MECOM: variants seen among roughly 807,000 people sequenced by gnomAD.
MECOM encodes the protein histone-lysine N-methyltransferase MECOM.
In MECOM, 13 loss-of-function variants were observed where a neutral mutation model predicts 116.3. The observed-to-expected ratio is 0.11, with a 90% CI of 0.07 to 0.18. The LOEUF is 0.18. Among genes scored for constraint, MECOM ranks in the 10% least tolerant of loss-of-function variants. The pLI is 1.00. For missense variants in MECOM, 1,299 were observed against 1,509.0 expected (o/e 0.86, Z 2.31); for synonymous variants, 528 against 535.2 (o/e 0.99, Z 0.19).
At chr3:169,296,866 T>G (rs1329201040) in intron 2 of MECOM, among the ~76,000 whole-genome samples, 2 of 152,194 alleles carry the variant, frequency 1.3e-5, no homozygotes, top group Admixed American at 6.5e-5. Context: ...AAAGAGCATA[T>G]CATAGCAAAT....
intron 1 of MECOM, among the ~76,000 whole-genome samples, chr3:169,602,847 A>T (rs935008451): frequency 1.3e-5 from 2 of 152,180 alleles, no homozygotes; most frequent in Non-Finnish European, 2.9e-5. Flanking sequence ...TTACAAAAAA[A>T]CTATGTTCTG....
chr3:169,269,061 G>A (rs1490433263), intron 2 of MECOM: 2 of 151,864 alleles, frequency 1.3e-5, no homozygotes, highest in Non-Finnish European at 2.9e-5. Context: ...ATGAGAACTA[G>A]TTTTTGAATA....
rs569828828 is a variant in MECOM, at chr3:169,531,491, G to A, written c.37+131845C>T. Among the ~76,000 whole-genome samples, 16 of 152,270 alleles carry A rather than the reference G, an allele frequency of 1.1e-4. No individual in the cohort carries two copies. The East Asian group carries it at 3.1e-3, about 29-fold the overall frequency. ...ACCCTCTCCATAACCTCATCAGAGA[G>A]GCAAGACATTTTTCCCCATTTTACA... On this transcript the variant is annotated intron_variant, in intron 1 of 16. Transcript: ENST00000651503.
At chr3:169,211,256 A>G (rs1453483167) in intron 2 of MECOM, among the ~76,000 whole-genome samples, 1 of 152,124 alleles carries the variant, frequency 6.6e-6, no homozygotes, top group Non-Finnish European at 1.5e-5. Flanking sequence ...TTCTACTCTC[A>G]TGGGGCTTGA....
At chr3:169,412,072 G>C (rs1158648904) in intron 1 of MECOM, among the ~76,000 whole-genome samples, 1 of 151,956 alleles carries the variant, frequency 6.6e-6, no homozygotes, top group Admixed American at 6.6e-5. Context: ...GATCACCTGA[G>C]ATCAGGGGTT....
intron 1 of MECOM, among the ~76,000 whole-genome samples, chr3:169,501,988 C>T (rs1295237397): frequency 1.3e-5 from 2 of 152,056 alleles, no homozygotes; most frequent in African/African-American, 2.4e-5. Flanking sequence ...TAATGCTACA[C>T]AGTGCATTAG....
intron 2 of MECOM, among the ~76,000 whole-genome samples, chr3:169,235,179 A>G (rs1370277074): frequency 3.9e-5 from 6 of 152,196 alleles, no homozygotes; most frequent in Non-Finnish European, 5.9e-5. Flanking sequence ...CATCAATGTG[A>G]TTTTTACTTG....
chr3:169,395,093 A>G (rs1392094915), intron 1 of MECOM, among the ~76,000 whole-genome samples: 1 of 152,210 alleles, frequency 6.6e-6, no homozygotes, highest in Non-Finnish European at 1.5e-5. Context: ...AAGTTGCATA[A>G]ATATTTGGTG....
At chr3:169,548,235 T>C (rs1232676908) in intron 1 of MECOM, among the ~76,000 whole-genome samples, 1 of 152,186 alleles carries the variant, frequency 6.6e-6, no homozygotes, top group African/African-American at 2.4e-5. Context: ...GAAATTGATT[T>C]TGTGGTTTAA....
At chr3:169,513,001 T>C (rs1445245848) in intron 1 of MECOM, among the ~76,000 whole-genome samples, 1 of 152,250 alleles carries the variant, frequency 6.6e-6, no homozygotes, top group Non-Finnish European at 1.5e-5. Flanking sequence ...TTGTGACAAT[T>C]CTATCAACTA....
rs1755612721 is a variant in MECOM at position 169,246,572 on chromosome 3, A to T, written c.376-102740T>A. ...GAGACGGAGTCTCACTATGTCACCC[A>T]GGCTGGAGTGCGGTGGCACGATCTC... is the stretch of plus-strand genomic sequence containing the variant. On this transcript the variant is annotated intron_variant, in intron 2 of 16. Coordinates refer to ENST00000651503, the MANE Select transcript of MECOM (RefSeq NM_004991.4). Among the ~76,000 whole-genome samples the T allele has an allele frequency of 1.1e-4, 15 of 136,824 alleles. No individual in the cohort carries two copies. In the Admixed American group the frequency reaches 1.2e-3, roughly 11 times the overall value. 89.8% of individuals were successfully genotyped at this position (136,824 alleles called of 152,430 possible). A position where few individuals can be genotyped will look rare whatever the true frequency, so the allele number is the denominator to read the frequency against.
At chr3:169,276,997 TAC>T (rs71300479) in intron 2 of MECOM, among the ~76,000 whole-genome samples, 10,999 of 143,860 alleles carry the variant, frequency 0.076, 471 homozygotes, top group African/African-American at 0.12. Flanking sequence ...TAATTTATGT[TAC>T]ACACACACAC....
At chr3:169,472,494 AAAGGAAAGG>A (rs1749465077) in intron 1 of MECOM, among the ~76,000 whole-genome samples, 1 of 85,464 alleles carries the variant, frequency 1.2e-5, no homozygotes, top group African/African-American at 5.2e-5. Context: ...AAAGGAAAGG[AAAGGAAAGG>A]AAAGGAAAGG....
chr3:169,207,986 AAACTT>A (rs1359954336), intron 2 of MECOM, among the ~76,000 whole-genome samples: 1 of 152,146 alleles, frequency 6.6e-6, no homozygotes, highest in Non-Finnish European at 1.5e-5. Context: ...ACTGTTCTGA[AAACTT>A]AACTTATGTT....
chr3:169,600,592 A>G (rs567743111), intron 1 of MECOM, among the ~76,000 whole-genome samples: 64 of 152,338 alleles, frequency 4.2e-4, no homozygotes, highest in African/African-American at 1.5e-3. Context: ...AGGCTTAGAA[A>G]TTGGTAGACT....
intron 1 of MECOM, among the ~76,000 whole-genome samples, chr3:169,610,494 G>A (rs1304635336): frequency 1.5e-5 from 2 of 130,904 alleles, no homozygotes; most frequent in African/African-American, 6.2e-5. Flanking sequence ...TATATGTAAT[G>A]TTACGTGTGT....
chr3:169,329,828 A>G (rs1168905272), intron 2 of MECOM, among the ~76,000 whole-genome samples: 1 of 152,210 alleles, frequency 6.6e-6, no homozygotes, highest in Non-Finnish European at 1.5e-5. Flanking sequence ...CAATATGCCA[A>G]TGAGCATTTA....
intron 2 of MECOM, among the ~76,000 whole-genome samples, chr3:169,155,656 G>A (rs1577202295): frequency 6.6e-6 from 1 of 152,200 alleles, no homozygotes; most frequent in East Asian, 1.9e-4. Flanking sequence ...AGAAAATAAA[G>A]CCCCTAATCC....
intron 1 of MECOM, among the ~76,000 whole-genome samples, chr3:169,644,522 G>T (rs896676794): frequency 2.6e-5 from 4 of 152,106 alleles, no homozygotes; most frequent in Non-Finnish European, 2.9e-5. Flanking sequence ...CTCCCAAAGT[G>T]CTGGGATTAT....
Sources: allele counts gnomAD v4.1 joint callset (sites outside exome capture counted in the v4.1 genomes callset), GRCh38; gene constraint gnomAD v4.1.1; transcripts MANE v1.5; gene names NCBI Gene and HGNC (gene_info 2026-07-23, HGNC 2026-07-21).